Variants in DOCK7 observed in about 807,000 individuals in gnomAD.
DOCK7 encodes dedicator of cytokinesis 7.
DOCK7 carries 138 observed loss-of-function variants against 271.0 expected under a neutral mutation model. The ratio of observed to expected loss-of-function variants is 0.51; its 90% CI spans 0.44 to 0.59. The LOEUF is 0.59. DOCK7 is among the 20% of genes least tolerant of loss of function. The pLI, the probability that DOCK7 is intolerant of heterozygous loss-of-function variation, is 0.00. For missense variants in DOCK7, 2,066 were observed against 2,592.4 expected (o/e 0.80, Z 4.41); for synonymous variants, 823 against 876.1 (o/e 0.94, Z 1.07).
At chr1:62,496,590 A>G in intron 37 of DOCK7, 93 bp from the exon 38 acceptor site, 2 of 1,206,488 alleles carry the variant, frequency 1.7e-6, no homozygotes, top group Non-Finnish European at 2.3e-6. Context: ...TTAGTGAAAA[A>G]ATACCATTCT....
At chr1:62,500,988 C>T (rs1337994594) in intron 37 of DOCK7, among the ~76,000 whole-genome samples, 1 of 150,980 alleles carries the variant, frequency 6.6e-6, no homozygotes, top group Non-Finnish European at 1.5e-5. Context: ...AGTGAAGTAC[C>T]ATCATGCCAC....
chr1:62,600,788 C>A (rs1363291825), intron 14 of DOCK7, among the ~76,000 whole-genome samples: 1 of 151,730 alleles, frequency 6.6e-6, no homozygotes, highest in Non-Finnish European at 1.5e-5. Flanking sequence ...TAAAAGAATA[C>A]ATTACAATAT....
chr1:62,483,109 G>GTGATC (rs1646177445), intron 43 of DOCK7: 1 of 147,382 alleles, frequency 6.8e-6, no homozygotes, highest in South Asian at 2.2e-4. Flanking sequence ...TTGGGCCTAA[G>GTGATC]TGATCTTCCT....
chr1:62,534,836 T>C (rs1302859797), intron 29 of DOCK7, among the ~76,000 whole-genome samples: 1 of 152,126 alleles, frequency 6.6e-6, no homozygotes, highest in African/African-American at 2.4e-5. Context: ...CTCACACCTG[T>C]AATCCCAGCA....
intron 18 of DOCK7, among the ~76,000 whole-genome samples, chr1:62,572,308 T>C (rs886869553): frequency 1.3e-5 from 2 of 152,230 alleles, no homozygotes; most frequent in African/African-American, 4.8e-5. Context: ...AATGGTGTAA[T>C]AGTAGCAAAC....
intron 34 of DOCK7, among the ~76,000 whole-genome samples, chr1:62,510,157 T>C (rs1243447045): frequency 6.6e-6 from 1 of 152,210 alleles, no homozygotes; most frequent in Non-Finnish European, 1.5e-5. Flanking sequence ...AGTCAATGTA[T>C]CAAGTCTGCC....
Position 62,539,544 on chromosome 1 carries a change from C to T in DOCK7, c.3300+1G>A. The T allele has an allele frequency of 6.3e-7, 1 of 1,595,322 alleles. No homozygotes were observed. The highest frequency in any genetic ancestry group is 8.5e-7 in the Non-Finnish European group (1 of 1,170,770). ...ACTAATTATTCCTAACTATGCATTA[C>T]CTGTTTATAGCAGGACTTTATAAGG... On this transcript the variant is annotated splice_donor_variant, in intron 27 of 49. Coordinates refer to ENST00000635253, the MANE Select transcript of DOCK7 (RefSeq NM_001367561.1). LOFTEE classifies it high-confidence loss of function.
At chr1:62,664,604 A>G (rs1039410157) in intron 1 of DOCK7, among the ~76,000 whole-genome samples, 4 of 152,224 alleles carry the variant, frequency 2.6e-5, no homozygotes, top group Non-Finnish European at 5.9e-5. Flanking sequence ...TGAAACTTTT[A>G]GTTAATAACA....
chr1:62,553,031 A>AATTTT, intron 21 of DOCK7, 130 bp from the exon 22 acceptor site: 7 of 401,774 alleles, frequency 1.7e-5, no homozygotes, highest in East Asian at 4.7e-5. Context: ...TAAAAAATAT[A>AATTTT]CTTTTTTTTT....
At chr1:62,605,774 C>G (rs1332359469) in intron 14 of DOCK7, 1 of 152,230 alleles carries the variant, frequency 6.6e-6, no homozygotes, top group African/African-American at 2.4e-5. Flanking sequence ...AAACAAAGAC[C>G]CAGTCCCTAA....
intron 7 of DOCK7, among the ~76,000 whole-genome samples, chr1:62,646,155 C>CAAAAAAAAAAA (rs58296142): frequency 9.0e-6 from 1 of 111,226 alleles, no homozygotes. Context: ...GACTCCGTCT[C>CAAAAAAAAAAA]AAAAAAAAAA....
chr1:62,633,566 G>C lies in DOCK7; in HGVS notation c.1048C>G (p.Leu350Val). 1.2e-6 allele frequency: 2 copies of C among 1,611,910 alleles called. No individual in the cohort carries two copies. Among genetic ancestry groups the C allele is most frequent in the Non-Finnish European group, 1.7e-6 (2 of 1,179,078 alleles). ...CACTCTCCAATGTCTCCTTGCTGTA[G>C]GACTTTTTCTAGCTGTCAAAGGCAA... ...VFLVIKLEKV[L>V]QQGDIGECAE... Residue 350 changes from leucine to valine, a missense_variant, in exon 10 of 50, where the codon CTA becomes GTA. Physicochemically the swap from Leu to Val is conservative, Grantham distance 32. This residue lies in a region of DOCK7 where 1,414 missense variants were observed against 1,670.4 expected (regional missense o/e 0.85). Transcript: ENST00000635253.
chr1:62,523,459 G>C (rs1257457164), intron 31 of DOCK7, among the ~76,000 whole-genome samples: 1 of 151,908 alleles, frequency 6.6e-6, no homozygotes, highest in Non-Finnish European at 1.5e-5. Flanking sequence ...GTAAAAGGAA[G>C]AACAAAAAAT....
At chr1:62,612,609 T>A (rs1329040225) in intron 14 of DOCK7, among the ~76,000 whole-genome samples, 3 of 152,222 alleles carry the variant, frequency 2.0e-5, no homozygotes, top group African/African-American at 7.2e-5. Context: ...GGTGTAGGTG[T>A]ATTAATTTGT....
chr1:62,530,202 A>C (rs956521776), intron 29 of DOCK7, among the ~76,000 whole-genome samples: 1 of 152,208 alleles, frequency 6.6e-6, no homozygotes, highest in African/African-American at 2.4e-5. Context: ...TTTACTGTCA[A>C]TCACAACAGA....
intron 16 of DOCK7, among the ~76,000 whole-genome samples, chr1:62,580,723 T>G (rs1647089570): frequency 6.6e-6 from 1 of 152,116 alleles, no homozygotes. Flanking sequence ...GGAATATAAG[T>G]AAGACACATA....
chr1:62,527,338 A>C (rs2149368196), intron 31 of DOCK7, among the ~76,000 whole-genome samples: 1 of 152,304 alleles, frequency 6.6e-6, no homozygotes, highest in Non-Finnish European at 1.5e-5. Flanking sequence ...ACAAAGAATA[A>C]AACAGGTTTA....
intron 18 of DOCK7, 25 bp downstream of exon 18, chr1:62,577,237 G>C (rs371545825): frequency 7.3e-7 from 1 of 1,366,576 alleles, no homozygotes; most frequent in Non-Finnish European, 9.7e-7. Flanking sequence ...TCAATCTGGA[G>C]AAAGTCAACA....
In DOCK7 at chr1:62,485,621, C is replaced by T. The variant is rs997094154; in HGVS notation, c.5508+1777G>A. The T allele has an allele frequency of 7.1e-6, 7 of 984,974 alleles. No homozygotes were observed. The Admixed American group carries it at 3.1e-4, about 43-fold the overall frequency. 61.0% of individuals were successfully genotyped at this position (984,974 alleles called of 1,614,324 possible). Reference sequence around the variant, plus strand: ...AAAACAAAATTACTGAAGTTTTCATCGAGTCAAAAAGAAAAATATACACAA... The same window carrying T: ...AAAACAAAATTACTGAAGTTTTCATTGAGTCAAAAAGAAAAATATACACAA... On this transcript the variant is annotated intron_variant, in intron 43 of 49. Transcript: ENST00000635253.
Sources: allele counts gnomAD v4.1 joint callset (sites outside exome capture counted in the v4.1 genomes callset), GRCh38; gene constraint gnomAD v4.1.1; regional missense constraint gnomAD v4.1.1; transcripts MANE v1.5; gene names NCBI Gene and HGNC (gene_info 2026-07-23, HGNC 2026-07-21).